Variants in ARHGAP15 observed in about 807,000 individuals in gnomAD.
ARHGAP15 encodes the protein rho GTPase-activating protein 15.
ARHGAP15 carries 51 observed loss-of-function variants against 63.7 expected under a neutral mutation model. That is an observed-to-expected ratio of 0.80 (90% CI 0.64 to 1.01). The LOEUF (loss-of-function observed/expected upper bound fraction) is 1.01, where lower values mean the gene tolerates loss of function less well. Among genes scored for constraint, ARHGAP15 ranks in the 50% least tolerant of loss-of-function variants. The probability of loss-of-function intolerance (pLI) is 0.00; values close to 1 mark genes in which losing one functional copy is unlikely to be tolerated. For missense variants in ARHGAP15, 560 were observed against 564.6 expected, an observed-to-expected ratio of 0.99 and a Z score of 0.08; for synonymous variants, 191 against 193.8, an observed-to-expected ratio of 0.99 and a Z score of 0.12.
chr2:143,529,916 A>G (rs1559030631), intron 10 of ARHGAP15, among the ~76,000 whole-genome samples: 1 of 152,252 alleles, frequency 6.6e-6, no homozygotes, highest in East Asian at 1.9e-4. Context: ...TTCCCTATCT[A>G]GAGTGTGAGT....
intron 13 of ARHGAP15, among the ~76,000 whole-genome samples, chr2:143,726,671 C>T (rs1306551529): frequency 6.6e-6 from 1 of 152,180 alleles, no homozygotes; most frequent in African/African-American, 2.4e-5. Context: ...ACGGCTAGAA[C>T]AGGGCCAGCT....
intron 6 of ARHGAP15, among the ~76,000 whole-genome samples, chr2:143,273,082 A>C (rs939693081): frequency 2.0e-5 from 3 of 152,090 alleles, no homozygotes; most frequent in African/African-American, 7.2e-5. Context: ...AAATTGTTTT[A>C]AGATTAGATT....
intron 6 of ARHGAP15, among the ~76,000 whole-genome samples, chr2:143,355,625 T>C (rs965637842): frequency 2.2e-4 from 34 of 152,314 alleles, no homozygotes; most frequent in African/African-American, 6.7e-4. Context: ...CAAGGAATTA[T>C]ATTTTAAAGC....
intron 12 of ARHGAP15, among the ~76,000 whole-genome samples, chr2:143,661,355 T>C (rs1052598481): frequency 1.6e-4 from 25 of 152,152 alleles, no homozygotes; most frequent in African/African-American, 6.0e-4. Context: ...CGATATAACA[T>C]TGCTTACATG....
intron 1 of ARHGAP15, among the ~76,000 whole-genome samples, chr2:143,133,124 G>A (rs1014615233): frequency 1.8e-4 from 27 of 152,180 alleles, no homozygotes; most frequent in Non-Finnish European, 2.8e-4. Context: ...TGTATCATCT[G>A]ATCACATACT....
At chr2:143,659,899 T>C (rs1267504416) in intron 12 of ARHGAP15, among the ~76,000 whole-genome samples, 1 of 151,980 alleles carries the variant, frequency 6.6e-6, no homozygotes, top group East Asian at 1.9e-4. Flanking sequence ...AGTTTTTTTT[T>C]CCCCCAAGAG....
intron 12 of ARHGAP15, among the ~76,000 whole-genome samples, chr2:143,646,289 G>A (rs986760583): frequency 2.6e-5 from 4 of 151,888 alleles, no homozygotes; most frequent in Admixed American, 6.6e-5. Context: ...AGAAGAAGGT[G>A]GAATGCAAAA....
chr2:143,529,636 C>A (rs894445705), intron 10 of ARHGAP15, among the ~76,000 whole-genome samples: 3 of 152,088 alleles, frequency 2.0e-5, no homozygotes, highest in African/African-American at 7.2e-5. Flanking sequence ...CCAGGAATAC[C>A]AAGTACATGA....
At chr2:143,742,904 C>T (rs1686015678) in intron 13 of ARHGAP15, among the ~76,000 whole-genome samples, 1 of 152,200 alleles carries the variant, frequency 6.6e-6, no homozygotes, top group South Asian at 2.1e-4. Context: ...AGACTTTTCT[C>T]ACTGCCAGCT....
chr2:143,450,810 G>A (rs967935615), intron 8 of ARHGAP15, among the ~76,000 whole-genome samples: 9 of 151,844 alleles, frequency 5.9e-5, no homozygotes, highest in Non-Finnish European at 1.3e-4. Flanking sequence ...TCAGTTTAGG[G>A]AAAAACTGAG....
At chr2:143,565,386 A>G (rs1004599589) in intron 11 of ARHGAP15, among the ~76,000 whole-genome samples, 12 of 152,110 alleles carry the variant, frequency 7.9e-5, no homozygotes, top group Admixed American at 5.9e-4. Context: ...AGAGTAGGAA[A>G]CTTGATTCAT....
chr2:143,243,917 T>G lies in ARHGAP15; in HGVS notation c.385-6594T>G, dbSNP rs549136591. On this transcript the variant is annotated intron_variant, in intron 5 of 13. Coordinates refer to ENST00000295095, the MANE Select transcript of ARHGAP15 (RefSeq NM_018460.4). Reference sequence around the variant, plus strand: ...TTTTCTCTTTTTAAAGCGAATATATTTATTATTACTTAAGAACTTTGTTTT... The same window carrying G: ...TTTTCTCTTTTTAAAGCGAATATATGTATTATTACTTAAGAACTTTGTTTT... 8.3e-4 allele frequency among the ~76,000 whole-genome samples: 126 copies of G among 152,260 alleles called. 1 individual carries two copies. The highest frequency in any genetic ancestry group is 3.0e-3 in the African/African-American group (123 of 41,566).
intron 13 of ARHGAP15, among the ~76,000 whole-genome samples, chr2:143,762,270 T>C (rs1386513929): frequency 3.3e-5 from 5 of 152,224 alleles, no homozygotes; most frequent in Admixed American, 6.5e-5. Context: ...CCCACTATCA[T>C]GCTAATGTCT....
chr2:143,375,965 T>C (rs951967862), intron 6 of ARHGAP15, among the ~76,000 whole-genome samples: 10 of 152,224 alleles, frequency 6.6e-5, no homozygotes, highest in Admixed American at 2.0e-4. Flanking sequence ...CAAGCTCACA[T>C]TGTAAAATGC....
At chr2:143,423,680 C>T (rs1689025829) in intron 6 of ARHGAP15, among the ~76,000 whole-genome samples, 1 of 152,068 alleles carries the variant, frequency 6.6e-6, no homozygotes, top group African/African-American at 2.4e-5. Flanking sequence ...GTGGAGTTTG[C>T]AAAGTCCAGG....
At chr2:143,285,397 G>T (rs1181412414) in intron 6 of ARHGAP15, among the ~76,000 whole-genome samples, 1 of 151,806 alleles carries the variant, frequency 6.6e-6, no homozygotes, top group Non-Finnish European at 1.5e-5. Flanking sequence ...TATAAATCAG[G>T]CAATTGACAG....
intron 13 of ARHGAP15, among the ~76,000 whole-genome samples, chr2:143,717,223 G>A (rs1480856287): frequency 6.6e-6 from 1 of 152,192 alleles, no homozygotes; most frequent in Non-Finnish European, 1.5e-5. Context: ...AGCAGCATCT[G>A]GCTTCCTGGC....
Position 143,133,197 on chromosome 2 carries a change from C to G in ARHGAP15, c.-15+3731C>G, listed in dbSNP as rs115188487. On this transcript the variant is annotated intron_variant, in intron 1 of 13. Transcript: ENST00000295095. ...TGGTAGTTTTCAGGGAAATCTAGCACTGGGAAGATGAGAAACATTGCAAGG... is the reference window on the plus strand; with the variant it reads ...TGGTAGTTTTCAGGGAAATCTAGCAGTGGGAAGATGAGAAACATTGCAAGG... Among the ~76,000 whole-genome samples, 382 of 152,168 alleles carry G rather than the reference C, an allele frequency of 2.5e-3. 1 individual carries two copies. Among genetic ancestry groups the G allele is most frequent in the African/African-American group, 8.4e-3 (349 of 41,526 alleles).
At chr2:143,281,917 C>A (rs1226777971) in intron 6 of ARHGAP15, among the ~76,000 whole-genome samples, 1 of 152,002 alleles carries the variant, frequency 6.6e-6, no homozygotes, top group Non-Finnish European at 1.5e-5. Flanking sequence ...TCTATGAATC[C>A]AGTATTCATA....
Sources: gnomAD v4.1 joint callset for allele counts (sites outside exome capture counted in the v4.1 genomes callset) on GRCh38, gnomAD v4.1.1 for gene constraint, MANE v1.5 for transcripts, NCBI Gene and HGNC (gene_info 2026-07-23, HGNC 2026-07-21) for gene names.